The following SKP2 variants were observed in gnomAD, a reference collection of about 807,000 sequenced individuals.
The protein encoded by SKP2 is S-phase kinase-associated protein 2.
SKP2 carries 16 observed loss-of-function variants against 51.8 expected under a neutral mutation model. That is an observed-to-expected ratio of 0.31 (90% confidence interval 0.21 to 0.47). The LOEUF (loss-of-function observed/expected upper bound fraction) is 0.47, where lower values mean the gene tolerates loss of function less well. SKP2 is among the 20% of genes least tolerant of loss of function. The pLI is 1.00. For synonymous variants in SKP2, 176 were observed against 198.6 expected (o/e 0.89, Z 0.96); for missense variants, 377 against 505.3 (o/e 0.75, Z 2.43).
chr5:36,186,550 A>T (rs1158600339), downstream of SKP2, among the ~76,000 whole-genome samples: 4 of 152,158 alleles, frequency 2.6e-5, no homozygotes, highest in African/African-American at 9.7e-5. Context: ...GATTACATTT[A>T]TTGATTTGCA....
At chr5:36,189,616 G>T (rs1745987039) in intron 6 of SKP2, among the ~76,000 whole-genome samples, 1 of 152,220 alleles carries the variant, frequency 6.6e-6, no homozygotes, top group Non-Finnish European at 1.5e-5. Flanking sequence ...CGTGTGAGGT[G>T]TCAGTCTGCC....
In SKP2 at chr5:36,180,318, A is replaced by G. The variant is rs75932261; in HGVS notation, c.1062-1500A>G. 5,633 of 1,202,320 alleles carry G rather than the reference A, an allele frequency of 4.7e-3. 199 individuals are homozygous for G. In the African/African-American group the frequency reaches 0.076, roughly 16 times the overall value. The allele number at this position is 1,202,320 out of a possible 1,614,324, so 74.5% of individuals were successfully genotyped here. ...AGTGATTAAGTATAAGTATCTGTGTATACTGTGATCTTACTTCGACAGTGT... is the reference window on the plus strand; with the variant it reads ...AGTGATTAAGTATAAGTATCTGTGTGTACTGTGATCTTACTTCGACAGTGT... On this transcript the variant is annotated intron_variant, in intron 9 of 9. Transcript: ENST00000274255.
At chr5:36,178,118 T>TA (rs1345034360) in intron 9 of SKP2, among the ~76,000 whole-genome samples, 1 of 152,168 alleles carries the variant, frequency 6.6e-6, no homozygotes, top group Non-Finnish European at 1.5e-5. Context: ...AAAGTCTCCC[T>TA]AATGGCAAAT....
chr5:36,176,896 A>T, intron 7 of SKP2, 69 bp from the exon 8 acceptor site: 1 of 944,804 alleles, frequency 1.1e-6, no homozygotes, highest in Non-Finnish European at 1.7e-6. Context: ...CAATGATAGT[A>T]GTGATAACAA....
Position 36,152,208 on chromosome 5 carries a change from G to A in SKP2, c.-55G>A. ...GCGCGCCAAAGCGGGAATCTGGGAG[G>A]CGAGCAGCTCTGCAGTTAATGCACG... is the stretch of plus-strand genomic sequence containing the variant. On this transcript the variant is annotated 5_prime_UTR_variant, in exon 1 of 10. Transcript: ENST00000274255. The A allele has an allele frequency of 1.2e-6, 2 of 1,605,770 alleles. No individual in the cohort carries two copies. Among genetic ancestry groups the A allele is most frequent in the Non-Finnish European group, 1.7e-6 (2 of 1,172,808 alleles).
At chr5:36,176,841 G>C (rs749164687) in intron 7 of SKP2, 124 bp from the exon 8 acceptor site, 77 of 599,722 alleles carry the variant, frequency 1.3e-4, no homozygotes, top group Non-Finnish European at 2.1e-4. Context: ...CTTTCTAATA[G>C]TGTGTGGTTC....
At chr5:36,186,300 G>C (rs540233403), downstream of SKP2, among the ~76,000 whole-genome samples, 19 of 152,332 alleles carry the variant, frequency 1.2e-4, no homozygotes, top group African/African-American at 4.6e-4. Flanking sequence ...TTGAATAGGA[G>C]TGGTGAGAGA....
rs114238792 is a variant in SKP2, at chr5:36,176,616, G to A, written c.902-349G>A. On this transcript the variant is annotated intron_variant, in intron 7 of 9. Coordinates refer to ENST00000274255, the MANE Select transcript of SKP2 (RefSeq NM_005983.4). The stretch of plus-strand genomic sequence containing the variant: ...ATTATTTCTCTTGTTGATCTGAGGT[G>A]CTACCTTTGTAATATATTGTTTGCT... 9.4e-3 allele frequency among the ~76,000 whole-genome samples: 1,425 copies of A among 151,776 alleles called. 18 individuals are homozygous for A. Among genetic ancestry groups the A allele is most frequent in the Middle Eastern group, 0.041 (12 of 294 alleles).
At chr5:36,175,704 G>A (rs375453136) in intron 7 of SKP2, among the ~76,000 whole-genome samples, 1 of 151,362 alleles carries the variant, frequency 6.6e-6, no homozygotes, top group East Asian at 1.9e-4. Context: ...AAATTATAAC[G>A]CATTGTATAT....
rs139290182 is a variant in SKP2, at chr5:36,154,050, C to T, written c.280+1008C>T. On this transcript the variant is annotated intron_variant, in intron 2 of 9. Coordinates refer to ENST00000274255, the MANE Select transcript of SKP2 (RefSeq NM_005983.4). Reference sequence around the variant, plus strand: ...AAACATTTCTGCTCTCAGGGAGCATCCATTCTAGTGAGAGAATACAATAAA... The same window carrying T: ...AAACATTTCTGCTCTCAGGGAGCATTCATTCTAGTGAGAGAATACAATAAA... Among the ~76,000 whole-genome samples the T allele has an allele frequency of 3.3e-3, 509 of 152,276 alleles. 2 individuals carry two copies. The highest frequency in any genetic ancestry group is 4.4e-3 in the Non-Finnish European group (296 of 68,026).
chr5:36,166,740 T>TC, intron 4 of SKP2, 78 bp downstream of exon 4: 1 of 1,300,608 alleles, frequency 7.7e-7, no homozygotes, highest in Non-Finnish European at 1.1e-6. Context: ...TTTTTTTTTT[T>TC]CTTTCTTCAG....
chr5:36,170,370 T>C lies in SKP2; in HGVS notation c.698T>C (p.Val233Ala), dbSNP rs779537499. 8 of 1,612,690 alleles carry C rather than the reference T, an allele frequency of 5.0e-6. No individual in the cohort carries two copies. The Admixed American group carries it at 8.4e-5, about 17-fold the overall frequency. Residue 233 changes from valine (V) to alanine (A), a missense_variant, in exon 6 of 10, where the codon GTG becomes GCG. Physicochemically the swap from Val to Ala is moderately conservative, Grantham distance 64 (BLOSUM62 0). Around this residue, in one of 2 missense-constraint regions of SKP2, gnomAD observed 262 missense variants for 389.8 expected, o/e 0.67. Coordinates refer to ENST00000274255, the MANE Select transcript of SKP2 (RefSeq NM_005983.4). ...VNTLAKNSNL[V>A]RLNLSGCSGF... is the part of the protein sequence containing the mutation. ...ACTCTCGCAAAAAACTCAAATTTAG[T>C]GCGACTTAACCTTTCTGGGTGTTCT...
intron 4 of SKP2, among the ~76,000 whole-genome samples, chr5:36,166,978 A>G (rs1213818222): frequency 6.6e-6 from 1 of 152,098 alleles, no homozygotes; most frequent in Non-Finnish European, 1.5e-5. Context: ...TAAAGCACTC[A>G]CTGGCAGATG....
chr5:36,187,918 C>T (rs1315271134), downstream of SKP2, among the ~76,000 whole-genome samples: 2 of 152,072 alleles, frequency 1.3e-5, no homozygotes, highest in Non-Finnish European at 2.9e-5. Flanking sequence ...TCTGGGTGCT[C>T]CTGTATTGGG....
At chr5:36,172,811 C>A (rs1054054613) in intron 7 of SKP2, among the ~76,000 whole-genome samples, 2 of 152,076 alleles carry the variant, frequency 1.3e-5, no homozygotes, top group African/African-American at 4.8e-5. Flanking sequence ...TGGACTACTG[C>A]CATTCCAAAC....
In SKP2 at chr5:36,166,787, G is replaced by A; in HGVS notation, c.536+125G>A. ...ATGGTAGGTTATCTGTGCAGTGTGG[G>A]ATGTTAATTCCATACTTTGCTATGG... On this transcript the variant is annotated intron_variant, in intron 4 of 9. Transcript: ENST00000274255. 3 of 780,138 alleles carry A rather than the reference G, an allele frequency of 3.8e-6. No homozygotes were observed. The East Asian group carries it at 8.0e-5, about 21-fold the overall frequency. The allele number at this position is 780,138 out of a possible 1,614,324, so 48.3% of individuals were successfully genotyped here.
At position 36,183,353 on chromosome 5, in the gene SKP2, G is replaced by A. The variant is rs779161923; in HGVS notation, c.*1322G>A. ...GCGATCTCGGCTCACTGCAAGCTCC[G>A]CCTCCCAGGTTCACGTCATTCTCCT... On this transcript the variant is annotated 3_prime_UTR_variant, in exon 10 of 10. Coordinates refer to ENST00000274255, the MANE Select transcript of SKP2 (RefSeq NM_005983.4). 4.2e-5 allele frequency: 12 copies of A among 282,418 alleles called. 1 individual carries two copies. Among genetic ancestry groups the A allele is most frequent in the South Asian group, 2.7e-4 (2 of 7,346 alleles). The allele number at this position is 282,418 out of a possible 1,614,324, so 17.5% of individuals were successfully genotyped here. A position where few individuals can be genotyped will look rare whatever the true frequency, so the allele number is the denominator to read the frequency against.
chr5:36,185,440 G>A (rs1238723126), downstream of SKP2, among the ~76,000 whole-genome samples: 1 of 152,182 alleles, frequency 6.6e-6, no homozygotes, highest in Non-Finnish European at 1.5e-5. Flanking sequence ...TAAGGTGTAA[G>A]GAAGGGATCC....
In SKP2 at chr5:36,152,148, C is replaced by A; in HGVS notation, c.-115C>A. 9.2e-7 allele frequency: 1 copy of A among 1,088,450 alleles called. No individual in the cohort carries two copies. The highest frequency in any genetic ancestry group is 1.4e-6 in the Non-Finnish European group (1 of 706,960). The allele number at this position is 1,088,450 out of a possible 1,614,324, so 67.4% of individuals were successfully genotyped here. A position where few individuals can be genotyped will look rare whatever the true frequency, so the allele number is the denominator to read the frequency against. ...ACGTTGCTAGGCTTAGCGGGTCTGG[C>A]TGCTGGGGGCCCGAGCAGCACGCTC... is the stretch of plus-strand genomic sequence containing the variant. On this transcript the variant is annotated 5_prime_UTR_variant, in exon 1 of 10. It adds an upstream start codon to the 5' untranslated region. Transcript: ENST00000274255.
Sources: allele counts gnomAD v4.1 joint callset (sites outside exome capture counted in the v4.1 genomes callset), GRCh38; gene constraint gnomAD v4.1.1; regional missense constraint gnomAD v4.1.1; transcripts MANE v1.5; gene names NCBI Gene and HGNC (gene_info 2026-07-23, HGNC 2026-07-21).